Variants in RIT2 observed in about 807,000 individuals in gnomAD.
RIT2 encodes the protein GTP-binding protein Rit2.
Under a neutral mutation model 23.7 loss-of-function variants are expected in RIT2, and 24 were observed. The observed-to-expected ratio is 1.01, with a 90% CI of 0.73 to 1.43. The LOEUF is 1.43. Ranked by LOEUF, RIT2 falls within the 40% of genes most tolerant of loss-of-function variation. The probability of loss-of-function intolerance (pLI) is 0.00; values close to 1 mark genes in which losing one functional copy is unlikely to be tolerated. For synonymous variants in RIT2, 107 were observed against 91.1 expected (o/e 1.17, Z -0.99); for missense variants, 236 against 266.9 (o/e 0.88, Z 0.81).
At chr18:42,855,400 A>G (rs935834119) in intron 4 of RIT2, among the ~76,000 whole-genome samples, 2 of 152,204 alleles carry the variant, frequency 1.3e-5, no homozygotes, top group Non-Finnish European at 2.9e-5. Flanking sequence ...TTCAAGATAT[A>G]CAATTATAAG....
chr18:42,901,293 T>C (rs925810144), intron 4 of RIT2, among the ~76,000 whole-genome samples: 5 of 152,050 alleles, frequency 3.3e-5, no homozygotes, highest in African/African-American at 1.2e-4. Flanking sequence ...ACTTGTACAA[T>C]TGTTTCAGTG....
chr18:42,897,942 G>A (rs971897863), intron 4 of RIT2, among the ~76,000 whole-genome samples: 1 of 152,148 alleles, frequency 6.6e-6, no homozygotes, highest in African/African-American at 2.4e-5. Context: ...AAGATTGTAT[G>A]GTTAACATCT....
chr18:43,073,913 G>A (rs1912953158), intron 1 of RIT2, among the ~76,000 whole-genome samples: 1 of 152,156 alleles, frequency 6.6e-6, no homozygotes, highest in Non-Finnish European at 1.5e-5. Flanking sequence ...AAGCATGGAA[G>A]GGTATTTGAT....
intron 4 of RIT2, among the ~76,000 whole-genome samples, chr18:42,775,513 G>A (rs1274894476): frequency 6.6e-6 from 1 of 151,974 alleles, no homozygotes; most frequent in Non-Finnish European, 1.5e-5. Context: ...TGGCTAACAT[G>A]GTGAAGCCCC....
intron 3 of RIT2, among the ~76,000 whole-genome samples, chr18:42,961,020 T>C (rs867881220): frequency 6.6e-6 from 1 of 152,218 alleles, no homozygotes; most frequent in African/African-American, 2.4e-5. Context: ...TCTTGGAGTG[T>C]CTACTTTGGA....
chr18:42,905,625 A>T (rs1908591821), intron 4 of RIT2, among the ~76,000 whole-genome samples: 1 of 152,016 alleles, frequency 6.6e-6, no homozygotes, highest in Non-Finnish European at 1.5e-5. Context: ...GTTGCCCACC[A>T]CCATGCCTGG....
intron 4 of RIT2, among the ~76,000 whole-genome samples, chr18:42,744,508 T>A (rs1567985702): frequency 6.6e-6 from 1 of 152,040 alleles, no homozygotes; most frequent in East Asian, 1.9e-4. Flanking sequence ...TTATATTAAA[T>A]CTCCTTTGTT....
chr18:42,953,162 A>C (rs1166823787), intron 3 of RIT2, among the ~76,000 whole-genome samples: 3 of 152,088 alleles, frequency 2.0e-5, no homozygotes, highest in African/African-American at 7.2e-5. Context: ...CTTTGTGATC[A>C]TGCAAATTTT....
At chr18:42,936,304 C>G (rs747419366) in intron 3 of RIT2, among the ~76,000 whole-genome samples, 7 of 152,132 alleles carry the variant, frequency 4.6e-5, no homozygotes, top group African/African-American at 7.2e-5. Context: ...TATCATTTAA[C>G]TGGTGAAATT....
intron 2 of RIT2, among the ~76,000 whole-genome samples, chr18:43,008,665 C>G (rs1234214064): frequency 5.9e-5 from 9 of 151,300 alleles, no homozygotes; most frequent in Admixed American, 5.3e-4. Context: ...ATAAACCTTA[C>G]ACTATTCAAT....
At chr18:42,874,416 T>C (rs1233311849) in intron 4 of RIT2, among the ~76,000 whole-genome samples, 1 of 152,164 alleles carries the variant, frequency 6.6e-6, no homozygotes, top group African/African-American at 2.4e-5. Context: ...GTTAAACTGT[T>C]TTGCATAAAC....
rs187912434 is a variant in RIT2, at chr18:42,823,318, G to A, written c.427-79598C>T. Among the ~76,000 whole-genome samples, 3 of 152,202 alleles carry A rather than the reference G, an allele frequency of 2.0e-5. No individual in the cohort carries two copies. In the East Asian group the frequency reaches 5.8e-4, roughly 29 times the overall value. ...TTTCAAAACTGTGGAGATGGATATG[G>A]CCAATCCCTAACTGATTATTTAAGT... On this transcript the variant is annotated intron_variant, in intron 4 of 4. Transcript: ENST00000326695.
At chr18:42,765,039 C>A (rs1913389074) in intron 4 of RIT2, among the ~76,000 whole-genome samples, 1 of 152,130 alleles carries the variant, frequency 6.6e-6, no homozygotes, top group South Asian at 2.1e-4. Flanking sequence ...CCTATATTTT[C>A]TTCTCAATGG....
At chr18:43,084,786 G>T (rs1161399855) in intron 1 of RIT2, among the ~76,000 whole-genome samples, 1 of 151,970 alleles carries the variant, frequency 6.6e-6, no homozygotes, top group African/African-American at 2.4e-5. Flanking sequence ...ATGCATGCAG[G>T]GCTTAAAACC....
At chr18:43,054,590 G>T (rs1401937197) in intron 1 of RIT2, among the ~76,000 whole-genome samples, 2 of 151,982 alleles carry the variant, frequency 1.3e-5, no homozygotes, top group African/African-American at 2.4e-5. Flanking sequence ...ACAGACTTAG[G>T]ATACGCTGGG....
At chr18:43,086,724 C>T (rs1428462443) in intron 1 of RIT2, among the ~76,000 whole-genome samples, 1 of 152,136 alleles carries the variant, frequency 6.6e-6, no homozygotes, top group African/African-American at 2.4e-5. Context: ...TATGGGCAAA[C>T]AGTAGGAAGC....
At chr18:42,991,785 A>T (rs942027248) in intron 2 of RIT2, among the ~76,000 whole-genome samples, 19 of 151,368 alleles carry the variant, frequency 1.3e-4, no homozygotes, top group African/African-American at 4.6e-4. Flanking sequence ...CCAGAGAACA[A>T]CCCCCCTTTG....
intron 4 of RIT2, among the ~76,000 whole-genome samples, chr18:42,758,044 C>T (rs904931011): frequency 6.6e-6 from 1 of 151,326 alleles, no homozygotes; most frequent in Non-Finnish European, 1.5e-5. Context: ...TTAGTTGTCC[C>T]ACCTTTTTCC....
chr18:42,861,966 A>G (rs1394755588), intron 4 of RIT2, among the ~76,000 whole-genome samples: 1 of 152,224 alleles, frequency 6.6e-6, no homozygotes, highest in African/African-American at 2.4e-5. Flanking sequence ...CACAATCCTA[A>G]TCCTACCTTC....
Sources: gnomAD v4.1 joint callset for allele counts (sites outside exome capture counted in the v4.1 genomes callset) on GRCh38, gnomAD v4.1.1 for gene constraint, MANE v1.5 for transcripts, NCBI Gene and HGNC (gene_info 2026-07-23, HGNC 2026-07-21) for gene names.